RNF19A: variants seen among roughly 807,000 people sequenced by gnomAD.
RNF19A encodes E3 ubiquitin-protein ligase RNF19A.
Under a neutral mutation model 75.7 loss-of-function variants are expected in RNF19A, and 32 were observed. That is an observed-to-expected ratio of 0.42 (90% CI 0.32 to 0.57). The LOEUF is 0.57. RNF19A is among the 20% of genes least tolerant of loss of function. The probability of loss-of-function intolerance (pLI) is 0.10; values close to 1 mark genes in which losing one functional copy is unlikely to be tolerated. For synonymous variants in RNF19A, 335 were observed against 345.2 expected (o/e 0.97, Z 0.33); for missense variants, 782 against 1,036.3 (o/e 0.75, Z 3.37).
intron 2 of RNF19A, among the ~76,000 whole-genome samples, chr8:100,283,543 A>T (rs1820878795): frequency 6.6e-6 from 1 of 152,114 alleles, no homozygotes; most frequent in Non-Finnish European, 1.5e-5. Context: ...TCCTTCAAAC[A>T]AGTATGATCA....
At chr8:100,270,849 C>T (rs1326429938) in intron 3 of RNF19A, among the ~76,000 whole-genome samples, 1 of 152,088 alleles carries the variant, frequency 6.6e-6, no homozygotes, top group East Asian at 1.9e-4. Flanking sequence ...GGTTACAATG[C>T]ACAATGGCGT....
intron 3 of RNF19A, among the ~76,000 whole-genome samples, 158 bp from the exon 4 acceptor site, chr8:100,270,171 T>C (rs933914648): frequency 6.6e-6 from 1 of 152,168 alleles, no homozygotes; most frequent in African/African-American, 2.4e-5. Flanking sequence ...CATTTTTTCT[T>C]CCCTTCTAAG....
upstream of RNF19A, among the ~76,000 whole-genome samples, chr8:100,312,601 T>C (rs531347871): frequency 4.1e-5 from 6 of 146,010 alleles, no homozygotes; most frequent in Non-Finnish European, 7.6e-5. Flanking sequence ...CAAGAAAGAA[T>C]GAAAGAAGGG....
intron 5 of RNF19A, among the ~76,000 whole-genome samples, chr8:100,267,668 C>T (rs1293141855): frequency 2.1e-5 from 3 of 146,300 alleles, no homozygotes; most frequent in African/African-American, 7.5e-5. Flanking sequence ...CCATGCCCAG[C>T]TTGTTAGTTC....
intron 7 of RNF19A, 70 bp downstream of exon 7, chr8:100,263,964 G>C: frequency 7.6e-7 from 1 of 1,319,042 alleles, no homozygotes; most frequent in Admixed American, 2.1e-5. Flanking sequence ...TGAGTTGCAT[G>C]TTATCTCTGG....
chr8:100,301,256 T>A (rs1006668967), intron 1 of RNF19A, among the ~76,000 whole-genome samples: 1 of 152,252 alleles, frequency 6.6e-6, no homozygotes, highest in Admixed American at 6.5e-5. Context: ...TCTAGAGATG[T>A]GACTTACCCA....
In RNF19A at chr8:100,330,856, AC is replaced by A. The variant is rs1822599958; in HGVS notation, c.-243+5251del. ...CTCTCCAACTTCATCTCTCTCCACA[AC>A]CCTCTTGAGACTCTTGCTGTGTATA... is the stretch of plus-strand genomic sequence containing the variant. On this transcript the variant is annotated intron_variant, in intron 1 of 3. Transcript: ENST00000519527. The surrounding 1 kb of genome is among the most constrained non-coding windows in gnomAD (Gnocchi z 4.1). Among the ~76,000 whole-genome samples the A allele has an allele frequency of 6.6e-6, 1 of 152,126 alleles. No individual in the cohort carries two copies. The highest frequency in any genetic ancestry group is 1.5e-5 in the Non-Finnish European group (1 of 68,026).
Position 100,264,223 on chromosome 8 carries a change from AAAC to A in RNF19A, c.1307-31_1307-29del, listed in dbSNP as rs199534647. ...AAAGAGAAATTAAATCAGTCATTAC[AAAC>A]AACAACAACAAAATAACTCACAGAA... On this transcript the variant is annotated intron_variant, in intron 6 of 9. Transcript: ENST00000341084. The surrounding 1 kb of genome is among the most constrained non-coding windows in gnomAD (Gnocchi z 4.7). 2,055 of 1,557,626 alleles carry A rather than the reference AAAC, an allele frequency of 1.3e-3. 26 individuals carry two copies. The African/African-American group carries it at 0.022, about 17-fold the overall frequency.
rs752176443 is a variant in RNF19A, at chr8:100,269,904, C to T, written c.993G>A (p.Leu331=). The change falls in exon 4 of 10, where the codon TTG becomes TTA. Residue 331 remains leucine, a synonymous_variant. Coordinates refer to ENST00000341084, the MANE Select transcript of RNF19A (RefSeq NM_183419.4). The surrounding 1 kb of genome is among the most constrained non-coding windows in gnomAD (Gnocchi z 5.7). ...CAVCGCEFCW[L]CMKEISDLHY... ...GCAAATCTGAGATTTCTTTCATACACAACCAACAAAACTCACAACCACAAA... is the reference window on the plus strand; with the variant it reads ...GCAAATCTGAGATTTCTTTCATACATAACCAACAAAACTCACAACCACAAA... The T allele has an allele frequency of 6.2e-7, 1 of 1,609,928 alleles. No individual in the cohort carries two copies. Among genetic ancestry groups the T allele is most frequent in the South Asian group, 1.1e-5 (1 of 90,258 alleles).
chr8:100,305,204 A>C (rs1586682532), intron 1 of RNF19A, among the ~76,000 whole-genome samples: 1 of 152,192 alleles, frequency 6.6e-6, no homozygotes, highest in East Asian at 1.9e-4. Context: ...TACTGCTGGG[A>C]TTACAGGATT....
intron 1 of RNF19A, among the ~76,000 whole-genome samples, chr8:100,328,719 A>G (rs1438580766): frequency 6.6e-6 from 1 of 152,122 alleles, no homozygotes; most frequent in Non-Finnish European, 1.5e-5. Flanking sequence ...ATTCACCCCC[A>G]TCAGCCTCCC....
intron 2 of RNF19A, among the ~76,000 whole-genome samples, chr8:100,282,576 C>T (rs1350067187): frequency 6.6e-6 from 1 of 152,166 alleles, no homozygotes; most frequent in Non-Finnish European, 1.5e-5. Flanking sequence ...ATTACAACTT[C>T]CCCTGAAATG....
At chr8:100,304,261 A>G (rs1201749983) in intron 1 of RNF19A, among the ~76,000 whole-genome samples, 1 of 152,148 alleles carries the variant, frequency 6.6e-6, no homozygotes, top group Non-Finnish European at 1.5e-5. Flanking sequence ...CATGCCTGAC[A>G]AAAGTTGGTT....
chr8:100,267,868 G>T (rs1379274169), intron 5 of RNF19A, among the ~76,000 whole-genome samples: 1 of 151,630 alleles, frequency 6.6e-6, no homozygotes, highest in Non-Finnish European at 1.5e-5. Flanking sequence ...AGTAGAGATG[G>T]GGTTTCACCA....
chr8:100,283,188 A>G (rs909685632), intron 2 of RNF19A, among the ~76,000 whole-genome samples: 1 of 152,264 alleles, frequency 6.6e-6, no homozygotes, highest in African/African-American at 2.4e-5. Context: ...ACATGGGATG[A>G]CAGGGATAAT....
In RNF19A at chr8:100,287,917, G is replaced by A. The variant is rs746481923; in HGVS notation, c.258C>T (p.Gly86=). Residue 86 remains glycine (G), a synonymous_variant, in exon 2 of 10, where the codon GGC becomes GGT. Coordinates refer to ENST00000341084, the MANE Select transcript of RNF19A (RefSeq NM_183419.4). The surrounding 1 kb of genome is among the most constrained non-coding windows in gnomAD (Gnocchi z 4.1). ...CAATACTTGCAATTCCATCCACCCC[G>A]CCATTTAGCTCCCTTGATTTACGTT... ...DNKRKSRELN[G]GVDGIASIES... 88 of 1,613,946 alleles carry A rather than the reference G, an allele frequency of 5.5e-5. No individual in the cohort carries two copies. Among genetic ancestry groups the A allele is most frequent in the Non-Finnish European group, 6.5e-5 (77 of 1,179,990 alleles).
In RNF19A at chr8:100,323,092, T is replaced by A. The variant is rs895599723; in HGVS notation, c.-242-9720A>T. Among the ~76,000 whole-genome samples, 3 of 152,086 alleles carry A rather than the reference T, an allele frequency of 2.0e-5. No individual in the cohort carries two copies. The highest frequency in any genetic ancestry group is 2.0e-4 in the Admixed American group (3 of 15,268). ...GCAGGGTTGCCACAAACCTTCCATTTGTAAACAAAAACAAAAAAACAAAAA... is the reference window on the plus strand; with the variant it reads ...GCAGGGTTGCCACAAACCTTCCATTAGTAAACAAAAACAAAAAAACAAAAA... On this transcript the variant is annotated intron_variant, in intron 1 of 3. Coordinates refer to the RNF19A transcript ENST00000519527. The surrounding 1 kb of genome is among the most constrained non-coding windows in gnomAD (Gnocchi z 4.6).
Position 100,309,940 on chromosome 8 carries a change from G to A in RNF19A, c.-167C>T. ...CCATCTCCCAGCAGCGGCGACAGCA[G>A]CCTGAGGAAGCGCGGGGGAGGGTCC... On this transcript the variant is annotated 5_prime_UTR_variant, in exon 1 of 10. Transcript: ENST00000341084. 3 of 986,002 alleles carry A rather than the reference G, an allele frequency of 3.0e-6. No homozygotes were observed. Among genetic ancestry groups the A allele is most frequent in the Non-Finnish European group, 3.6e-6 (3 of 830,386 alleles). The allele number at this position is 986,002 out of a possible 1,614,324, so 61.1% of individuals were successfully genotyped here.
intron 7 of RNF19A, among the ~76,000 whole-genome samples, chr8:100,262,260 C>G (rs1819753126): frequency 6.6e-6 from 1 of 152,052 alleles, no homozygotes; most frequent in Admixed American, 6.6e-5. Flanking sequence ...CACACGGTGA[C>G]AAATGCTATG....
Sources: gnomAD v4.1 joint callset for allele counts (sites outside exome capture counted in the v4.1 genomes callset) on GRCh38, gnomAD v4.1.1 for gene constraint, Gnocchi (gnomAD v3.1) non-coding constraint, MANE v1.5 for transcripts, NCBI Gene and HGNC (gene_info 2026-07-23, HGNC 2026-07-21) for gene names.